KATNAL1: variants seen among roughly 807,000 people sequenced by gnomAD.
KATNAL1 encodes katanin catalytic subunit A1 like 1.
In KATNAL1, 32 loss-of-function variants were observed where a neutral mutation model predicts 55.2. That is an observed-to-expected ratio of 0.58 (90% confidence interval 0.44 to 0.78). The LOEUF is 0.78. Among genes scored for constraint, KATNAL1 ranks in the 30% least tolerant of loss-of-function variants. The pLI, the probability that KATNAL1 is intolerant of heterozygous loss-of-function variation, is 0.00. For synonymous variants in KATNAL1, 193 were observed against 193.6 expected, an observed-to-expected ratio of 1.00 and a Z score of 0.02; for missense variants, 466 against 600.9, an observed-to-expected ratio of 0.78 and a Z score of 2.35.
intron 6 of KATNAL1, among the ~76,000 whole-genome samples, chr13:30,238,348 C>T (rs1318834508): frequency 6.6e-6 from 1 of 152,162 alleles, no homozygotes; most frequent in Non-Finnish European, 1.5e-5. Flanking sequence ...GGAGATGTTT[C>T]ATAACTTGCT....
chr13:30,240,588 C>T (rs1351214856), intron 5 of KATNAL1, 23 bp from the exon 6 acceptor site: 1 of 1,499,874 alleles, frequency 6.7e-7, no homozygotes, highest in Non-Finnish European at 9.3e-7. Context: ...AGCAAACTTT[C>T]ATAATGTTTA....
At chr13:30,263,239 C>T (rs1167362294) in intron 3 of KATNAL1, among the ~76,000 whole-genome samples, 1 of 152,118 alleles carries the variant, frequency 6.6e-6, no homozygotes, top group Non-Finnish European at 1.5e-5. Context: ...AAGAGCTATT[C>T]ATGACAAACT....
At chr13:30,210,288 C>G (rs780766683) in intron 10 of KATNAL1, 28 bp downstream of exon 10, 11 of 1,568,424 alleles carry the variant, frequency 7.0e-6, no homozygotes, top group Non-Finnish European at 9.5e-6. Flanking sequence ...TAACTAATGT[C>G]TAAAATCACA....
intron 3 of KATNAL1, among the ~76,000 whole-genome samples, chr13:30,271,362 A>C (rs1880340568): frequency 6.6e-6 from 1 of 152,162 alleles, no homozygotes; most frequent in African/African-American, 2.4e-5. Flanking sequence ...CAAAGAAAAG[A>C]AGTGTAATTG....
intron 1 of KATNAL1, chr13:30,296,636 C>T (rs1257827768): frequency 7.2e-6 from 5 of 693,480 alleles, no homozygotes; most frequent in African/African-American, 3.5e-5. Flanking sequence ...AGTACACGGA[C>T]GAGCACAGGG....
At chr13:30,296,057 A>AAT in intron 1 of KATNAL1, 1 of 200,948 alleles carries the variant, frequency 5.0e-6, no homozygotes. Context: ...AAAAAAAAAA[A>AAT]TTTTAATTAG....
chr13:30,229,164 AC>A (rs1875826973), intron 8 of KATNAL1, among the ~76,000 whole-genome samples: 1 of 151,600 alleles, frequency 6.6e-6, no homozygotes, highest in African/African-American at 2.4e-5. Flanking sequence ...TGAGCCCATA[AC>A]CCTTTTCCTT....
At chr13:30,265,355 C>T (rs188072703) in intron 3 of KATNAL1, among the ~76,000 whole-genome samples, 2 of 149,076 alleles carry the variant, frequency 1.3e-5, no homozygotes, top group Admixed American at 6.7e-5. Flanking sequence ...CACATGTACC[C>T]TAAAATTTAA....
At chr13:30,293,630 A>G (rs1176900086) in intron 1 of KATNAL1, among the ~76,000 whole-genome samples, 2 of 152,126 alleles carry the variant, frequency 1.3e-5, no homozygotes, top group Non-Finnish European at 2.9e-5. Flanking sequence ...CACCACAACA[A>G]AGGTAAAGAA....
At chr13:30,274,903 GCGCGCACA>G (rs1391565618) in intron 3 of KATNAL1, among the ~76,000 whole-genome samples, 1,089 of 93,656 alleles carry the variant, frequency 0.012, 11 homozygotes, top group African/African-American at 0.03. Context: ...GCGCGCGCGC[GCGCGCACA>G]CACACACACA....
intron 3 of KATNAL1, among the ~76,000 whole-genome samples, chr13:30,262,302 A>T (rs953845634): frequency 6.6e-6 from 1 of 152,042 alleles, no homozygotes; most frequent in African/African-American, 2.4e-5. Flanking sequence ...CATCACAATT[A>T]AAAGAACTAG....
intron 1 of KATNAL1, chr13:30,296,507 C>T (rs1432159840): frequency 1.4e-6 from 1 of 732,290 alleles, no homozygotes; most frequent in East Asian, 2.7e-5. Context: ...CAGATGAGTG[C>T]ATTGCCTACT....
chr13:30,300,577 T>C (rs186702801), intron 1 of KATNAL1, among the ~76,000 whole-genome samples: 9 of 152,128 alleles, frequency 5.9e-5, no homozygotes, highest in Non-Finnish European at 1.3e-4. Flanking sequence ...ATACAATGGC[T>C]GCTATAAATA....
intron 3 of KATNAL1, among the ~76,000 whole-genome samples, chr13:30,266,145 G>C (rs1879767299): frequency 6.6e-6 from 1 of 151,946 alleles, no homozygotes; most frequent in Non-Finnish European, 1.5e-5. Flanking sequence ...TGGGATTACA[G>C]GAATGTGCCA....
intron 3 of KATNAL1, among the ~76,000 whole-genome samples, chr13:30,264,012 T>C (rs1879532495): frequency 6.7e-6 from 1 of 148,234 alleles, no homozygotes; most frequent in Non-Finnish European, 1.5e-5. Context: ...AGCATGGTAC[T>C]GGTACCAAAA....
chr13:30,242,134 T>C (rs1877340840), intron 4 of KATNAL1, among the ~76,000 whole-genome samples: 2 of 152,058 alleles, frequency 1.3e-5, no homozygotes, highest in South Asian at 4.1e-4. Flanking sequence ...TTCAAACAAA[T>C]CACTAGGAAC....
At chr13:30,220,825 G>A (rs1023028594) in intron 9 of KATNAL1, among the ~76,000 whole-genome samples, 4 of 151,864 alleles carry the variant, frequency 2.6e-5, no homozygotes, top group African/African-American at 9.7e-5. Flanking sequence ...TCAGCCGCCT[G>A]AGTAGCTGGA....
chr13:30,296,844 C>T, intron 1 of KATNAL1: 1 of 369,790 alleles, frequency 2.7e-6, no homozygotes, highest in Non-Finnish European at 5.3e-6. Flanking sequence ...GCCAGACCTG[C>T]CCCTCCAAAC....
rs148730489 is a variant in KATNAL1 at position 30,288,407 on chromosome 13, A to G, written c.-14-4616T>C. On this transcript the variant is annotated intron_variant, in intron 1 of 10. Transcript: ENST00000380615. ...ATCGAGTTCTAAAAAATGCTGCTGAAACTGTAGTTTGAACTCAGAAAACAT... is the reference window on the plus strand; with the variant it reads ...ATCGAGTTCTAAAAAATGCTGCTGAGACTGTAGTTTGAACTCAGAAAACAT... 2.7e-3 allele frequency among the ~76,000 whole-genome samples: 416 copies of G among 152,326 alleles called. 1 individual carries two copies. Among genetic ancestry groups the G allele is most frequent in the African/African-American group, 9.6e-3 (399 of 41,582 alleles).
Sources: allele counts gnomAD v4.1 joint callset (sites outside exome capture counted in the v4.1 genomes callset), GRCh38; gene constraint gnomAD v4.1.1; transcripts MANE v1.5; gene names NCBI Gene and HGNC (gene_info 2026-07-23, HGNC 2026-07-21).